The following OSTF1 variants were observed in gnomAD, a reference collection of about 807,000 sequenced individuals.
OSTF1 encodes osteoclast-stimulating factor 1.
A neutral mutation model predicts 37.2 loss-of-function variants in OSTF1; 27 were observed. The observed-to-expected ratio is 0.73, with a 90% confidence interval of 0.54 to 1.00. The LOEUF is 1.00. Among genes scored for constraint, OSTF1 ranks in the 50% least tolerant of loss-of-function variants. The pLI, the probability that OSTF1 is intolerant of heterozygous loss-of-function variation, is 0.00. For missense variants in OSTF1, 232 were observed against 253.8 expected (o/e 0.91, Z 0.58); for synonymous variants, 82 against 89.2 (o/e 0.92, Z 0.46).
chr9:75,145,033 T>G (rs1825998109), intron 9 of OSTF1, among the ~76,000 whole-genome samples: 1 of 152,240 alleles, frequency 6.6e-6, no homozygotes, highest in Admixed American at 6.5e-5. Context: ...GTCATGTTCC[T>G]CTGTCCTTTA....
At chr9:75,095,017 G>A (rs896900688) in intron 1 of OSTF1, among the ~76,000 whole-genome samples, 6 of 152,282 alleles carry the variant, frequency 3.9e-5, no homozygotes, top group Admixed American at 6.5e-5. Context: ...GTGACAGAGC[G>A]AGACCCTGTC....
chr9:75,143,039 A>C (rs911972487), intron 9 of OSTF1, among the ~76,000 whole-genome samples: 21 of 151,696 alleles, frequency 1.4e-4, no homozygotes, highest in South Asian at 4.2e-4. Flanking sequence ...TCCCGGGCTC[A>C]AGTGATTCTC....
At chr9:75,106,263 C>T (rs944013979) in intron 1 of OSTF1, among the ~76,000 whole-genome samples, 1 of 152,186 alleles carries the variant, frequency 6.6e-6, no homozygotes, top group Admixed American at 6.5e-5. Context: ...GAAACTTACT[C>T]ATTACATTGG....
intron 1 of OSTF1, among the ~76,000 whole-genome samples, chr9:75,105,824 G>A (rs1486910821): frequency 6.6e-6 from 1 of 152,102 alleles, no homozygotes; most frequent in Non-Finnish European, 1.5e-5. Context: ...TTCAAACCCC[G>A]CTCTCTGGGA....
intron 5 of OSTF1, among the ~76,000 whole-genome samples, 154 bp downstream of exon 5, chr9:75,131,977 G>A (rs1264671504): frequency 6.6e-6 from 1 of 152,200 alleles, no homozygotes; most frequent in Non-Finnish European, 1.5e-5. Flanking sequence ...CACCTTCTCA[G>A]TTAAATCCCT....
intron 1 of OSTF1, among the ~76,000 whole-genome samples, chr9:75,116,311 T>C (rs191552885): frequency 1.3e-5 from 2 of 152,284 alleles, no homozygotes; most frequent in Non-Finnish European, 1.5e-5. Flanking sequence ...ATCGTGGTTC[T>C]AGAACCGGTG....
In OSTF1 at chr9:75,128,403, TATATTTTGTCC is replaced by T. The variant is rs1421995647; in HGVS notation, c.132+789_132+799del. Among the ~76,000 whole-genome samples, 27 of 87,352 alleles carry T rather than the reference TATATTTTGTCC, an allele frequency of 3.1e-4. 1 individual carries two copies. The highest frequency in any genetic ancestry group is 3.3e-4 in the Non-Finnish European group (14 of 42,542). 57.3% of individuals were successfully genotyped at this position (87,352 alleles called of 152,430 possible). A position where few individuals can be genotyped will look rare whatever the true frequency, so the allele number is the denominator to read the frequency against. ...ATATATATATATATATATATATATA[TATATTTTGTCC>T]ATATATATATATATTTTGTCCATAT... On this transcript the variant is annotated intron_variant, in intron 3 of 9. Transcript: ENST00000346234.
chr9:75,135,051 C>T (rs1825821438), intron 7 of OSTF1, among the ~76,000 whole-genome samples: 1 of 152,224 alleles, frequency 6.6e-6, no homozygotes, highest in Non-Finnish European at 1.5e-5. Context: ...GTCTGAGCAG[C>T]TTGGTCCCTG....
At chr9:75,130,006 A>G (rs1587467519) in intron 3 of OSTF1, among the ~76,000 whole-genome samples, 1 of 151,844 alleles carries the variant, frequency 6.6e-6, no homozygotes, top group Middle Eastern at 3.4e-3. Context: ...TATGATGTCT[A>G]GAATTTATTT....
chr9:75,097,166 A>C (rs1825101474), intron 1 of OSTF1, among the ~76,000 whole-genome samples: 1 of 152,194 alleles, frequency 6.6e-6, no homozygotes, highest in Non-Finnish European at 1.5e-5. Context: ...GTTTTCGACC[A>C]CATTTTTCTT....
At chr9:75,102,375 T>TC (rs1435412386) in intron 1 of OSTF1, among the ~76,000 whole-genome samples, 3 of 152,214 alleles carry the variant, frequency 2.0e-5, no homozygotes, top group African/African-American at 7.2e-5. Context: ...AGTGGTGAAT[T>TC]GGTAGGTAGT....
intron 1 of OSTF1, among the ~76,000 whole-genome samples, chr9:75,104,327 T>C (rs1427723316): frequency 6.6e-6 from 1 of 152,106 alleles, no homozygotes; most frequent in Non-Finnish European, 1.5e-5. Context: ...AGAGGATTGC[T>C]TGAAGCTAGG....
intron 1 of OSTF1, among the ~76,000 whole-genome samples, chr9:75,110,973 C>A (rs868226454): frequency 1.3e-5 from 2 of 152,258 alleles, no homozygotes; most frequent in Non-Finnish European, 2.9e-5. Flanking sequence ...TCCACTTTGG[C>A]CTCCCAAAGT....
At chr9:75,120,965 C>G (rs1214408043) in intron 2 of OSTF1, among the ~76,000 whole-genome samples, 1 of 152,212 alleles carries the variant, frequency 6.6e-6, no homozygotes, top group Non-Finnish European at 1.5e-5. Context: ...GACTGCCTCT[C>G]CTGCCTCTGA....
At chr9:75,090,634 CA>C (rs1162988328) in intron 1 of OSTF1, among the ~76,000 whole-genome samples, 1 of 151,662 alleles carries the variant, frequency 6.6e-6, no homozygotes, top group Non-Finnish European at 1.5e-5. Context: ...ACATTACTGC[CA>C]ATCAGAGTTG....
At chr9:75,132,100 G>A (rs1166567988) in intron 5 of OSTF1, among the ~76,000 whole-genome samples, 5 of 152,224 alleles carry the variant, frequency 3.3e-5, no homozygotes, top group Admixed American at 2.0e-4. Context: ...CATGGTCTGT[G>A]ACTTCCAAAG....
rs751956728 is a variant in OSTF1 at position 75,130,604 on chromosome 9, C to T, written c.159C>T (p.Thr53=). 2 of 1,612,040 alleles carry T rather than the reference C, an allele frequency of 1.2e-6. No homozygotes were observed. Among genetic ancestry groups the T allele is most frequent in the East Asian group, 4.5e-5 (2 of 44,868 alleles). Reference sequence around the variant, plus strand: ...GCGATACCAATTGGTGGAAAGGCACCTCCAAAGGCAGGACTGGACTAATTC... The same window carrying T: ...GCGATACCAATTGGTGGAAAGGCACTTCCAAAGGCAGGACTGGACTAATTC... ...DMSDTNWWKG[T]SKGRTGLIPS... is the part of the protein sequence containing the mutation. The change falls in exon 4 of 10, where the codon ACC becomes ACT. Residue 53 remains threonine (T), a synonymous_variant. Transcript: ENST00000346234.
chr9:75,129,768 C>A (rs1825734588), intron 3 of OSTF1, among the ~76,000 whole-genome samples: 1 of 152,064 alleles, frequency 6.6e-6, no homozygotes, highest in African/African-American at 2.4e-5. Context: ...GAGAGACAAC[C>A]TATAGATTAA....
Position 75,128,422 on chromosome 9 carries a change from TATATATTTTGTCC to T in OSTF1, c.132+810_132+822del, listed in dbSNP as rs1182225783. Among the ~76,000 whole-genome samples the T allele has an allele frequency of 2.6e-4, 26 of 100,848 alleles. 9 individuals carry two copies. Among genetic ancestry groups the T allele is most frequent in the African/African-American group, 1.0e-3 (26 of 25,782 alleles). The allele number at this position is 100,848 out of a possible 152,430, so 66.2% of individuals were successfully genotyped here. ...TATATATATATTTTGTCCATATATA[TATATATTTTGTCC>T]ATATATATATATATTTTGTCCATAT... On this transcript the variant is annotated intron_variant, in intron 3 of 9. Coordinates refer to ENST00000346234, the MANE Select transcript of OSTF1 (RefSeq NM_012383.5).
Sources: allele counts gnomAD v4.1 joint callset (sites outside exome capture counted in the v4.1 genomes callset), GRCh38; gene constraint gnomAD v4.1.1; transcripts MANE v1.5; gene names NCBI Gene and HGNC (gene_info 2026-07-23, HGNC 2026-07-21).